AHNAK: variants seen among roughly 807,000 people sequenced by gnomAD.
The protein encoded by AHNAK is AHNAK nucleoprotein.
A neutral mutation model predicts 37.8 loss-of-function variants in AHNAK; 23 were observed. That is an observed-to-expected ratio of 0.61 (90% CI 0.44 to 0.86). AHNAK has a LOEUF of 0.86. Among genes scored for constraint, AHNAK ranks in the 40% least tolerant of loss-of-function variants. The pLI, the probability that AHNAK is intolerant of heterozygous loss-of-function variation, is 0.00. For missense variants in AHNAK, 7,411 were observed against 7,319.4 expected, an observed-to-expected ratio of 1.01 and a Z score of -0.46; for synonymous variants, 2,481 against 2,636.3, an observed-to-expected ratio of 0.94 and a Z score of 1.80.
At chr11:62,539,576 C>A (rs1287146098) in intron 1 of AHNAK, among the ~76,000 whole-genome samples, 4 of 152,356 alleles carry the variant, frequency 2.6e-5, no homozygotes, top group African/African-American at 9.6e-5. Context: ...GGCTGCCCTG[C>A]AGACAGGCAG....
At chr11:62,493,332 C>CTTTT (rs538984724) in intron 4 of AHNAK, among the ~76,000 whole-genome samples, 21 of 122,940 alleles carry the variant, frequency 1.7e-4, no homozygotes, top group East Asian at 5.1e-4. Context: ...TTCTTTCTTT[C>CTTTT]TTTTTTTTTT....
At chr11:62,478,194 T>C (rs916540413) in intron 5 of AHNAK, among the ~76,000 whole-genome samples, 1 of 152,174 alleles carries the variant, frequency 6.6e-6, no homozygotes, top group Non-Finnish European at 1.5e-5. Context: ...CCAGCAGATC[T>C]GGTCAGGTCT....
chr11:62,539,809 T>C (rs944980544), intron 1 of AHNAK, among the ~76,000 whole-genome samples: 1 of 152,234 alleles, frequency 6.6e-6, no homozygotes, highest in African/African-American at 2.4e-5. Context: ...CCAACCACCC[T>C]GCCTGCTCTG....
rs769486952 is a variant in AHNAK, at chr11:62,517,034, G to A, written c.17383C>T (p.Pro5795Ser). 6 of 1,614,198 alleles carry A rather than the reference G, an allele frequency of 3.7e-6. No individual in the cohort carries two copies. In the South Asian group the frequency reaches 6.6e-5, roughly 18 times the overall value. ...DEREFSGPST[P>S]TGTLEFEGGE... ...CCTTCAAACTCCAGCGTCCCCGTCGGGGTGGAAGGTCCAGAGAACTCTCTT... is the reference window on the plus strand; with the variant it reads ...CCTTCAAACTCCAGCGTCCCCGTCGAGGTGGAAGGTCCAGAGAACTCTCTT... The change falls in exon 5 of 5, where the codon CCG becomes TCG. Residue 5795 changes from proline (P) to serine (S), a missense_variant. By Grantham distance (74) the Pro-to-Ser change is moderately conservative. Coordinates refer to ENST00000378024, the MANE Select transcript of AHNAK (RefSeq NM_001620.3).
At position 62,522,452 on chromosome 11, in the gene AHNAK, A is replaced by C; in HGVS notation, c.11965T>G (p.Phe3989Val). Residue 3989 changes from phenylalanine to valine, a missense_variant, in exon 5 of 5, where the codon TTC becomes GTC. Transcript: ENST00000378024. Reference sequence around the variant, plus strand: ...TTGATGTTCATCTCTGGCATCTTGAATTTAGGGCCCTTCAGTTTCGCATCT... The same window carrying C: ...TTGATGTTCATCTCTGGCATCTTGACTTTAGGGCCCTTCAGTTTCGCATCT... ...GPDAKLKGPK[F>V]KMPEMNIKAP... The C allele has an allele frequency of 6.2e-7, 1 of 1,613,424 alleles. No homozygotes were observed. Among genetic ancestry groups the C allele is most frequent in the Non-Finnish European group, 8.5e-7 (1 of 1,179,898 alleles).
At chr11:62,461,751 G>A (rs555222297) in intron 5 of AHNAK, among the ~76,000 whole-genome samples, 1 of 152,022 alleles carries the variant, frequency 6.6e-6, no homozygotes, top group South Asian at 2.1e-4. Context: ...CTTGAACCCG[G>A]GAGGCGGAGG....
In AHNAK at chr11:62,522,603, G is replaced by A. The variant is rs1940300792; in HGVS notation, c.11814C>T (p.Pro3938=). The part of the protein sequence containing the change: ...WHLKMPKIKM[P]KISMPGFKGE... Reference sequence around the variant, plus strand: ...CTTTGAAGCCAGGCATGCTGATCTTGGGCATTTTTATCTTAGGCATCTTCA... The same window carrying A: ...CTTTGAAGCCAGGCATGCTGATCTTAGGCATTTTTATCTTAGGCATCTTCA... The change falls in exon 5 of 5, where the codon CCC becomes CCT. Residue 3938 remains proline (P), a synonymous_variant. Coordinates refer to ENST00000378024, the MANE Select transcript of AHNAK (RefSeq NM_001620.3). 6.2e-7 allele frequency: 1 copy of A among 1,610,926 alleles called. No homozygotes were observed. Among genetic ancestry groups the A allele is most frequent in the Non-Finnish European group, 8.5e-7 (1 of 1,179,358 alleles).
intron 2 of AHNAK, 151 bp from the exon 3 acceptor site, chr11:62,536,249 A>G: frequency 1.3e-6 from 1 of 752,030 alleles, no homozygotes; most frequent in Non-Finnish European, 2.0e-6. Flanking sequence ...CTGCCAGGTG[A>G]GGTGTTGGGG....
chr11:62,522,786 G>C lies in AHNAK; in HGVS notation c.11631C>G (p.Asp3877Glu). Residue 3877 changes from aspartate to glutamate, a missense_variant, in exon 5 of 5, where the codon GAC (aspartate) becomes GAG (glutamate). Transcript: ENST00000378024. The part of the protein sequence containing the change: ...NIKAPKISMP[D>E]IDLNLKGPKV... ...TGGGTCCTTTCAGGTTAAGATCAAT[G>C]TCAGGCATGGAGATCTTGGGGGCTT... 4.3e-6 allele frequency: 7 copies of C among 1,613,754 alleles called. No individual in the cohort carries two copies. Among genetic ancestry groups the C allele is most frequent in the Non-Finnish European group, 5.9e-6 (7 of 1,179,972 alleles).
Position 62,459,187 on chromosome 11 carries a change from A to G in AHNAK, c.443-25296T>C, listed in dbSNP as rs372590447. On this transcript the variant is annotated intron_variant, in intron 5 of 5. Transcript: ENST00000257247. ...CTCATACTTGGTAGTGGAATGCACC[A>G]CAAATGTACTCACAGTTGAATGTGG... is the stretch of plus-strand genomic sequence containing the variant. 2.6e-5 allele frequency among the ~76,000 whole-genome samples: 4 copies of G among 152,336 alleles called. No homozygotes were observed. In the East Asian group the frequency reaches 5.8e-4, roughly 22 times the overall value.
At chr11:62,436,808 G>A (rs1224913884) in intron 5 of AHNAK, among the ~76,000 whole-genome samples, 3 of 151,870 alleles carry the variant, frequency 2.0e-5, no homozygotes, top group South Asian at 2.1e-4. Context: ...GCATGGTGGC[G>A]GGCGCCTGTA....
At chr11:62,433,835 C>G in exon 6 of AHNAK, 2 of 1,612,470 alleles carry the variant, frequency 1.2e-6, no homozygotes, top group Non-Finnish European at 1.7e-6. Flanking sequence ...CTCCAAAGAA[C>G]GGTCACAAAA....
chr11:62,487,464 C>T (rs945059004), intron 5 of AHNAK, among the ~76,000 whole-genome samples: 7 of 152,234 alleles, frequency 4.6e-5, no homozygotes, highest in African/African-American at 1.7e-4. Flanking sequence ...TTCAACTCTC[C>T]AGCACCTCAC....
intron 4 of AHNAK, among the ~76,000 whole-genome samples, chr11:62,500,892 G>C (rs967237684): frequency 2.0e-5 from 3 of 152,180 alleles, no homozygotes; most frequent in African/African-American, 7.2e-5. Flanking sequence ...AACTGGATGT[G>C]GACATTGCTC....
rs753898996 is a variant in AHNAK at position 62,530,679 on chromosome 11, T to A, written c.3738A>T (p.Gln1246His). Reference protein sequence around the residue: ...MDIDAPDVEVQGPDWHLKMPK... With the variant: ...MDIDAPDVEVHGPDWHLKMPK... ...GCATCTTCAGGTGCCAGTCTGGGCC[T>A]TGAACCTCCACATCTGGGGCATCAA... The change falls in exon 5 of 5, where the codon CAA (glutamine) becomes CAT (histidine). Residue 1246 changes from glutamine (Q) to histidine (H), a missense_variant. Transcript: ENST00000378024. The A allele has an allele frequency of 7.4e-6, 12 of 1,613,344 alleles. No homozygotes were observed. Among genetic ancestry groups the A allele is most frequent in the Non-Finnish European group, 1.0e-5 (12 of 1,179,870 alleles).
intron 4 of AHNAK, among the ~76,000 whole-genome samples, chr11:62,534,741 G>T (rs879813974): frequency 1.3e-5 from 2 of 152,118 alleles, no homozygotes; most frequent in African/African-American, 2.4e-5. Flanking sequence ...TAGCATCTAG[G>T]GCCGGGCTGC....
rs1158019430 is a variant in AHNAK, at chr11:62,536,058, T to G, written c.41A>C (p.Asn14Thr). 6.2e-7 allele frequency: 1 copy of G among 1,607,022 alleles called. No individual in the cohort carries two copies. Among genetic ancestry groups the G allele is most frequent in the African/African-American group, 1.3e-5 (1 of 74,426 alleles). The change falls in exon 3 of 5, where the codon AAC becomes ACC. Residue 14 changes from asparagine (N) to threonine (T), a missense_variant. Physicochemically the swap from Asn to Thr is moderately conservative, Grantham distance 65. Transcript: ENST00000378024. ...EETTRELLLP[N>T]WQGSGSHGLT... Reference sequence around the variant, plus strand: ...CCCGTGGGAGCCACTACCCTGCCAGTTGGGCAGCAGCAGCTCCCGGGTTGT... The same window carrying G: ...CCCGTGGGAGCCACTACCCTGCCAGGTGGGCAGCAGCAGCTCCCGGGTTGT...
At chr11:62,514,185 G>T (rs989775703), downstream of AHNAK, among the ~76,000 whole-genome samples, 1 of 152,094 alleles carries the variant, frequency 6.6e-6, no homozygotes, top group Non-Finnish European at 1.5e-5. Flanking sequence ...CCCTAGCTGT[G>T]TACACAAGTG....
intron 5 of AHNAK, among the ~76,000 whole-genome samples, chr11:62,446,400 CATAA>C (rs1211331347): frequency 6.6e-6 from 1 of 152,128 alleles, no homozygotes; most frequent in East Asian, 1.9e-4. Context: ...GATTGCATCC[CATAA>C]TAGCCACACC....
Sources: allele counts gnomAD v4.1 joint callset (sites outside exome capture counted in the v4.1 genomes callset), GRCh38; gene constraint gnomAD v4.1.1; transcripts MANE v1.5; gene names NCBI Gene and HGNC (gene_info 2026-07-23, HGNC 2026-07-21).